Variants in PSMA2 observed in about 807,000 individuals in gnomAD.
PSMA2 encodes the protein proteasome 20S subunit alpha 2.
In PSMA2, 2 loss-of-function variants were observed where a neutral mutation model predicts 35.9. That is an observed-to-expected ratio of 0.06 (90% CI 0.02 to 0.18). The LOEUF is 0.18. PSMA2 is among the 10% of genes least tolerant of loss of function. The pLI, the probability that PSMA2 is intolerant of heterozygous loss-of-function variation, is 1.00. For synonymous variants in PSMA2, 97 were observed against 98.2 expected, an observed-to-expected ratio of 0.99 and a Z score of 0.07; for missense variants, 126 against 278.8, an observed-to-expected ratio of 0.45 and a Z score of 3.90.
At position 42,926,524 on chromosome 7, in the gene PSMA2, A is replaced by T. The variant is rs1394737732; in HGVS notation, c.251+12T>A. 1 of 1,561,656 alleles carries T rather than the reference A, an allele frequency of 6.4e-7. No homozygotes were observed. The highest frequency in any genetic ancestry group is 8.6e-7 in the Non-Finnish European group (1 of 1,162,198). On this transcript the variant is annotated intron_variant, in intron 3 of 7. Coordinates refer to ENST00000223321, the MANE Select transcript of PSMA2 (RefSeq NM_002787.5). ...TGAGATGGTGAGAAACACTATAAAA[A>T]GTATAAAGTACCTGTAATCGGGGCC...
At chr7:42,928,721 A>G (rs1229826185) in intron 1 of PSMA2, among the ~76,000 whole-genome samples, 1 of 152,154 alleles carries the variant, frequency 6.6e-6, no homozygotes, top group Non-Finnish European at 1.5e-5. Context: ...AATTACGAAT[A>G]TTCCCTTGGT....
At chr7:42,922,270 G>A (rs1488724899) in intron 5 of PSMA2, among the ~76,000 whole-genome samples, 1 of 152,074 alleles carries the variant, frequency 6.6e-6, no homozygotes, top group Admixed American at 6.5e-5. Context: ...CCAGTTAAAA[G>A]AAATTGAGGT....
chr7:42,927,086 A>C (rs1786227361), intron 2 of PSMA2, among the ~76,000 whole-genome samples: 1 of 150,546 alleles, frequency 6.6e-6, no homozygotes, highest in Non-Finnish European at 1.5e-5. Context: ...TAAGGATAAA[A>C]ACTGCCAGGA....
intron 3 of PSMA2, among the ~76,000 whole-genome samples, chr7:42,925,955 C>CA (rs1258927884): frequency 2.0e-5 from 3 of 152,208 alleles, no homozygotes; most frequent in African/African-American, 7.2e-5. Flanking sequence ...AGAAAGCTGT[C>CA]AATCTCTTTC....
At chr7:42,927,005 A>C (rs1231141478) in intron 2 of PSMA2, among the ~76,000 whole-genome samples, 1 of 152,226 alleles carries the variant, frequency 6.6e-6, no homozygotes, top group Non-Finnish European at 1.5e-5. Flanking sequence ...ATTTACAATA[A>C]ATGATACAGG....
intron 1 of PSMA2, among the ~76,000 whole-genome samples, chr7:42,929,324 C>T (rs1294182434): frequency 6.6e-6 from 1 of 152,138 alleles, no homozygotes; most frequent in East Asian, 1.9e-4. Context: ...TTTCAATAAT[C>T]ATATCATAAC....
chr7:42,931,853 T>A (rs1224613238), intron 1 of PSMA2, among the ~76,000 whole-genome samples: 1 of 152,030 alleles, frequency 6.6e-6, no homozygotes, highest in Non-Finnish European at 1.5e-5. Flanking sequence ...TGAAAGCGAA[T>A]CCTTGGCTAT....
At chr7:42,927,665 G>A (rs1786234180) in intron 1 of PSMA2, among the ~76,000 whole-genome samples, 3 of 152,198 alleles carry the variant, frequency 2.0e-5, no homozygotes, top group East Asian at 1.9e-4. Flanking sequence ...CAGCACTTTG[G>A]AAGGCCAAGA....
intron 1 of PSMA2, 97 bp from the exon 2 acceptor site, chr7:42,927,556 T>A: frequency 8.5e-7 from 1 of 1,178,832 alleles, no homozygotes; most frequent in South Asian, 1.3e-5. Context: ...TCAAATCCAA[T>A]TTATCCAACT....
At chr7:42,922,681 A>T (rs921627809) in intron 5 of PSMA2, among the ~76,000 whole-genome samples, 1 of 152,204 alleles carries the variant, frequency 6.6e-6, no homozygotes, top group African/African-American at 2.4e-5. Context: ...ATCTCAGGTT[A>T]TAAAAGTAGA....
chr7:42,926,413 C>CA, intron 3 of PSMA2, 123 bp downstream of exon 3: 1 of 1,225,594 alleles, frequency 8.2e-7, no homozygotes, highest in Non-Finnish European at 1.1e-6. Flanking sequence ...TATTGCTAAA[C>CA]AAAGCACACA....
At chr7:42,919,756 C>G in intron 6 of PSMA2, 1 of 627,572 alleles carries the variant, frequency 1.6e-6, no homozygotes, top group South Asian at 1.6e-5. Flanking sequence ...GAAAGAATTT[C>G]TTGTTGCAGG....
intron 5 of PSMA2, 54 bp downstream of exon 5, chr7:42,923,271 G>T: frequency 7.7e-7 from 1 of 1,303,942 alleles, no homozygotes; most frequent in Non-Finnish European, 1.1e-6. Context: ...ATTTCTGTTA[G>T]ATATTCAAAG....
At chr7:42,919,862 T>G (rs950319171) in intron 6 of PSMA2, 2 of 750,168 alleles carry the variant, frequency 2.7e-6, no homozygotes, top group African/African-American at 3.4e-5. Context: ...GTGTGAGATT[T>G]GATCCTGATG....
intron 1 of PSMA2, among the ~76,000 whole-genome samples, chr7:42,928,000 T>A (rs1406118825): frequency 6.6e-6 from 1 of 152,332 alleles, no homozygotes; most frequent in East Asian, 1.9e-4. Flanking sequence ...CTTTGGTTGT[T>A]TTTTGTCTGC....
chr7:42,923,507 C>A, intron 4 of PSMA2, 101 bp from the exon 5 acceptor site: 1 of 803,152 alleles, frequency 1.2e-6, no homozygotes, highest in Non-Finnish European at 2.1e-6. Context: ...ATCAGGCAAA[C>A]TGAATTAGAC....
Position 42,926,689 on chromosome 7 carries a change from C to T in PSMA2, c.119-21G>A, listed in dbSNP as rs1015119543. 3.8e-6 allele frequency: 6 copies of T among 1,581,526 alleles called. No individual in the cohort carries two copies. In the African/African-American group the frequency reaches 6.9e-5, roughly 18 times the overall value. On this transcript the variant is annotated intron_variant, in intron 2 of 7. Coordinates refer to ENST00000223321, the MANE Select transcript of PSMA2 (RefSeq NM_002787.5). ...TGCAGCTTAAAAAAAAAGAGAGAGA[C>T]ATAAATGTTTAATCATTTTTAAGAC...
At chr7:42,925,326 C>G (rs772665796) in intron 3 of PSMA2, among the ~76,000 whole-genome samples, 89 of 152,200 alleles carry the variant, frequency 5.8e-4, no homozygotes, top group Non-Finnish European at 1.2e-3. Flanking sequence ...AATCCCAACA[C>G]TTTAAAAGGC....
chr7:42,919,944 C>A (rs1786100250), intron 6 of PSMA2: 3 of 751,278 alleles, frequency 4.0e-6, no homozygotes, highest in South Asian at 1.4e-5. Context: ...AAACATATGG[C>A]CTTTGGAAAT....
Sources: allele counts gnomAD v4.1 joint callset (sites outside exome capture counted in the v4.1 genomes callset), GRCh38; gene constraint gnomAD v4.1.1; transcripts MANE v1.5; gene names NCBI Gene and HGNC (gene_info 2026-07-23, HGNC 2026-07-21).